Variants in PTPRD observed in about 807,000 individuals in gnomAD.
PTPRD encodes the protein receptor-type tyrosine-protein phosphatase delta.
A neutral mutation model predicts 214.5 loss-of-function variants in PTPRD; 34 were observed. That is an observed-to-expected ratio of 0.16 (90% CI 0.12 to 0.21). The LOEUF (loss-of-function observed/expected upper bound fraction) is 0.21, where lower values mean the gene tolerates loss of function less well. PTPRD is among the 10% of genes least tolerant of loss of function. The pLI is 1.00. For missense variants in PTPRD, 2,545 were observed against 2,398.7 expected, an observed-to-expected ratio of 1.06 and a Z score of -1.27; for synonymous variants, 1,128 against 845.7, an observed-to-expected ratio of 1.33 and a Z score of -5.79.
chr9:9,848,388 T>C lies in PTPRD; in HGVS notation c.-367-81537A>G, dbSNP rs536951398. Among the ~76,000 whole-genome samples the C allele has an allele frequency of 2.0e-5, 3 of 152,204 alleles. No individual in the cohort carries two copies. The South Asian group carries it at 6.2e-4, about 32-fold the overall frequency. Reference sequence around the variant, plus strand: ...ATGCATTTCAAAAGTAGAATCAAAATCACGTAAAATGATGGTAAATGCTTA... The same window carrying C: ...ATGCATTTCAAAAGTAGAATCAAAACCACGTAAAATGATGGTAAATGCTTA... On this transcript the variant is annotated intron_variant, in intron 5 of 45. Transcript: ENST00000381196.
At chr9:9,503,747 G>T (rs540162334) in intron 8 of PTPRD, among the ~76,000 whole-genome samples, 1 of 151,782 alleles carries the variant, frequency 6.6e-6, no homozygotes, top group Non-Finnish European at 1.5e-5. Flanking sequence ...GCTGAGAAGG[G>T]AGGGCCCTCA....
At chr9:9,609,724 A>G (rs2094414250) in intron 7 of PTPRD, among the ~76,000 whole-genome samples, 1 of 152,110 alleles carries the variant, frequency 6.6e-6, no homozygotes, top group Non-Finnish European at 1.5e-5. Flanking sequence ...TGTCCTCCCA[A>G]AGCGCTGGGA....
chr9:9,984,913 G>A (rs7020476), intron 4 of PTPRD, among the ~76,000 whole-genome samples: 107,994 of 151,954 alleles, frequency 0.71, 38,722 homozygotes, highest in Middle Eastern at 0.78. Flanking sequence ...AAACCAAAGG[G>A]GAGTGCCTTC....
At chr9:8,926,879 T>C (rs960869360) in intron 11 of PTPRD, among the ~76,000 whole-genome samples, 2 of 152,208 alleles carry the variant, frequency 1.3e-5, no homozygotes, top group African/African-American at 4.8e-5. Flanking sequence ...TTAAATGTTT[T>C]AAGTATTAAG....
chr9:8,835,641 C>T (rs1460939119), intron 11 of PTPRD, among the ~76,000 whole-genome samples: 1 of 152,136 alleles, frequency 6.6e-6, no homozygotes, highest in Non-Finnish European at 1.5e-5. Context: ...GTGATCCTCC[C>T]ACCTCAGCCT....
rs201349878 is a variant in PTPRD at position 9,832,456 on chromosome 9, T to TTGTG, written c.-367-65606_-367-65605insCACA. Among the ~76,000 whole-genome samples, 368 of 152,138 alleles carry TTGTG rather than the reference T, an allele frequency of 2.4e-3. 1 individual carries two copies. The highest frequency in any genetic ancestry group is 8.6e-3 in the African/African-American group (356 of 41,532). On this transcript the variant is annotated intron_variant, in intron 5 of 45. Transcript: ENST00000381196. ...ATGTAACAGTCATAGTCATTTACTGTTCCATGTTAACAGAACTCTAATTAT... is the reference window on the plus strand; with the variant it reads ...ATGTAACAGTCATAGTCATTTACTGTTGTGTCCATGTTAACAGAACTCTAATTAT...
intron 5 of PTPRD, among the ~76,000 whole-genome samples, chr9:9,856,600 G>C (rs2061597972): frequency 1.4e-5 from 2 of 144,924 alleles, no homozygotes; most frequent in Non-Finnish European, 3.0e-5. Flanking sequence ...AGCAATCAGA[G>C]AGGAAATGAA....
intron 2 of PTPRD, among the ~76,000 whole-genome samples, chr9:10,521,809 T>C (rs117073130): frequency 0.012 from 1,770 of 152,280 alleles, 14 homozygotes; most frequent in Middle Eastern, 0.041. Context: ...GGTATGTACA[T>C]TGTTTTTATA....
chr9:9,846,582 A>G (rs910666946), intron 5 of PTPRD, among the ~76,000 whole-genome samples: 1 of 152,164 alleles, frequency 6.6e-6, no homozygotes, highest in Non-Finnish European at 1.5e-5. Flanking sequence ...TGGTGTACAT[A>G]AAGAGTTACC....
intron 7 of PTPRD, among the ~76,000 whole-genome samples, chr9:9,589,056 T>C (rs150222435): frequency 8.2e-4 from 124 of 152,116 alleles, no homozygotes; most frequent in South Asian, 4.3e-3. Flanking sequence ...CGTATGCTTA[T>C]TAATAATTTG....
chr9:8,389,419 G>A lies in PTPRD; in HGVS notation c.4211-12C>T, dbSNP rs775216374. The stretch of plus-strand genomic sequence containing the variant: ...ACTTCCTGGGATCCCTGGAAAACAA[G>A]GAGTGTTATTCAACCAGGTGAGCAC... On this transcript the variant is annotated splice_polypyrimidine_tract_variant and intron_variant, in intron 36 of 45. Transcript: ENST00000381196. 44 of 1,601,492 alleles carry A rather than the reference G, an allele frequency of 2.7e-5. No individual in the cohort carries two copies. The highest frequency in any genetic ancestry group is 3.7e-5 in the Non-Finnish European group (44 of 1,173,952).
At chr9:9,216,016 G>C (rs566662477) in intron 9 of PTPRD, among the ~76,000 whole-genome samples, 1 of 152,208 alleles carries the variant, frequency 6.6e-6, no homozygotes, top group African/African-American at 2.4e-5. Context: ...GGCAGTACTT[G>C]CTGTGTGGTT....
intron 11 of PTPRD, among the ~76,000 whole-genome samples, chr9:8,756,668 G>A (rs1598851299): frequency 6.6e-6 from 1 of 151,870 alleles, no homozygotes; most frequent in South Asian, 2.1e-4. Context: ...GAATTTCCAA[G>A]GTACTTATAC....
chr9:9,047,513 C>T (rs1281909731), intron 10 of PTPRD, among the ~76,000 whole-genome samples: 1 of 152,032 alleles, frequency 6.6e-6, no homozygotes, highest in Non-Finnish European at 1.5e-5. Flanking sequence ...TACTACAGAG[C>T]TATAGTAACC....
chr9:9,746,815 GTT>G (rs35142513), intron 6 of PTPRD, among the ~76,000 whole-genome samples: 16,496 of 125,048 alleles, frequency 0.13, 1,446 homozygotes, highest in African/African-American at 0.29. Context: ...TGCTTGAAAA[GTT>G]TTTTTTTTTT....
At chr9:10,584,468 C>G (rs941720574) in intron 2 of PTPRD, among the ~76,000 whole-genome samples, 4 of 152,170 alleles carry the variant, frequency 2.6e-5, no homozygotes, top group Non-Finnish European at 5.9e-5. Flanking sequence ...TGCAAGTAGA[C>G]ATGATCACTC....
At chr9:8,814,367 C>T (rs190189635) in intron 11 of PTPRD, among the ~76,000 whole-genome samples, 5 of 151,840 alleles carry the variant, frequency 3.3e-5, no homozygotes, top group East Asian at 1.9e-4. Context: ...TCACGGAGAA[C>T]GCTTTAAGTG....
At position 8,692,237 on chromosome 9, in the gene PTPRD, T is replaced by C. The variant is rs578177543; in HGVS notation, c.64+41543A>G. On this transcript the variant is annotated intron_variant, in intron 12 of 45. Coordinates refer to ENST00000381196, the MANE Select transcript of PTPRD (RefSeq NM_002839.4). ...GACTGCTGTTATAAACAGTCTACCATCTCAGTAGCTGAACACAATAACATT... is the reference window on the plus strand; with the variant it reads ...GACTGCTGTTATAAACAGTCTACCACCTCAGTAGCTGAACACAATAACATT... Among the ~76,000 whole-genome samples the C allele has an allele frequency of 1.6e-4, 24 of 152,354 alleles. No individual in the cohort carries two copies. The East Asian group carries it at 3.9e-3, about 25-fold the overall frequency.
chr9:8,382,032 G>A (rs1451878126), intron 37 of PTPRD, among the ~76,000 whole-genome samples: 1 of 152,166 alleles, frequency 6.6e-6, no homozygotes, highest in African/African-American at 2.4e-5. Flanking sequence ...GCCCCACATA[G>A]CCCTACAGCC....
Sources: allele counts gnomAD v4.1 joint callset (sites outside exome capture counted in the v4.1 genomes callset), GRCh38; gene constraint gnomAD v4.1.1; transcripts MANE v1.5; gene names NCBI Gene and HGNC (gene_info 2026-07-23, HGNC 2026-07-21).